PLD4: variants seen among roughly 807,000 people sequenced by gnomAD.
PLD4 encodes the protein phospholipase D family member 4.
A neutral mutation model predicts 52.3 loss-of-function variants in PLD4; 54 were observed. The ratio of observed to expected loss-of-function variants is 1.03; its 90% CI spans 0.83 to 1.30. The LOEUF is 1.30. Among genes scored for constraint, PLD4 ranks in the 50% most tolerant of loss-of-function variants. The probability of loss-of-function intolerance (pLI) is 0.00; values close to 1 mark genes in which losing one functional copy is unlikely to be tolerated. For missense variants in PLD4, 731 were observed against 671.1 expected, an observed-to-expected ratio of 1.09 and a Z score of -0.99; for synonymous variants, 264 against 286.5, an observed-to-expected ratio of 0.92 and a Z score of 0.79.
intron 3 of PLD4, among the ~76,000 whole-genome samples, chr14:104,928,212 C>A (rs545668142): frequency 1.3e-5 from 2 of 152,108 alleles, no homozygotes; most frequent in African/African-American, 4.8e-5. Context: ...TCTTTCCCTG[C>A]GGTTGGGGTC....
chr14:104,932,499 A>G lies in PLD4; in HGVS notation c.1321+144A>G, dbSNP rs1411045807. On this transcript the variant is annotated intron_variant, in intron 10 of 10. Coordinates refer to ENST00000392593, the MANE Select transcript of PLD4 (RefSeq NM_138790.5). This position sits in a 1 kb window ranked among gnomAD's most constrained non-coding sequence, Gnocchi z 6.5. ...ACGGGGTCTCCATGGAGTTCCGGGGACCAGGCCACCCGCCTGTCACCTGGC... is the reference window on the plus strand; with the variant it reads ...ACGGGGTCTCCATGGAGTTCCGGGGGCCAGGCCACCCGCCTGTCACCTGGC... 4.1e-6 allele frequency: 4 copies of G among 969,750 alleles called. No individual in the cohort carries two copies. The highest frequency in any genetic ancestry group is 2.5e-5 in the Admixed American group (1 of 39,982). 60.1% of individuals were successfully genotyped at this position (969,750 alleles called of 1,614,324 possible).
At chr14:104,929,109 G>C in intron 4 of PLD4, 177 bp downstream of exon 4, 1 of 1,185,848 alleles carries the variant, frequency 8.4e-7, no homozygotes, top group South Asian at 1.6e-5. Context: ...GTGTCAAGGA[G>C]CTGGGCCTCT....
intron 1 of PLD4, among the ~76,000 whole-genome samples, chr14:104,926,308 G>A (rs1230455854): frequency 6.6e-6 from 1 of 152,184 alleles, no homozygotes; most frequent in Non-Finnish European, 1.5e-5. Context: ...ACCCGGGGAG[G>A]GCGCCTCTGT....
intron 3 of PLD4, 79 bp downstream of exon 3, chr14:104,927,945 C>T (rs1290748709): frequency 3.7e-5 from 52 of 1,404,682 alleles, no homozygotes; most frequent in Admixed American, 5.0e-5. Flanking sequence ...TGGATCTGCC[C>T]GTGAGATAAG....
chr14:104,933,023 G>A lies in PLD4; in HGVS notation c.*59G>A. ...CGCACGCGCCCTCCCCTCTGACCCCGGCCTGGGCTTCAGCCGCTTCCTCCC... is the reference window on the plus strand; with the variant it reads ...CGCACGCGCCCTCCCCTCTGACCCCAGCCTGGGCTTCAGCCGCTTCCTCCC... On this transcript the variant is annotated 3_prime_UTR_variant, in exon 11 of 11. Transcript: ENST00000392593. 1 of 1,472,468 alleles carries A rather than the reference G, an allele frequency of 6.8e-7. No individual in the cohort carries two copies. Among genetic ancestry groups the A allele is most frequent in the East Asian group, 2.6e-5 (1 of 38,694 alleles). The allele number at this position is 1,472,468 out of a possible 1,614,324, so 91.2% of individuals were successfully genotyped here. A position where few individuals can be genotyped will look rare whatever the true frequency, so the allele number is the denominator to read the frequency against.
At chr14:104,930,497 T>C (rs1897605809) in intron 6 of PLD4, 1 of 589,462 alleles carries the variant, frequency 1.7e-6, no homozygotes, top group African/African-American at 1.9e-5. Flanking sequence ...GCATTTTCTA[T>C]TGTTTTTGTA....
chr14:104,930,145 C>T (rs775791847), intron 6 of PLD4, 40 bp downstream of exon 6: 8 of 1,603,636 alleles, frequency 5.0e-6, no homozygotes, highest in East Asian at 2.2e-5. Context: ...CTGCCTGAAG[C>T]GTTTCCCCGC....
chr14:104,930,638 G>T lies in PLD4; in HGVS notation c.718-104G>T. 4.0e-6 allele frequency: 5 copies of T among 1,234,792 alleles called. No homozygotes were observed. In the South Asian group the frequency reaches 5.3e-5, roughly 13 times the overall value. The allele number at this position is 1,234,792 out of a possible 1,614,324, so 76.5% of individuals were successfully genotyped here. A position where few individuals can be genotyped will look rare whatever the true frequency, so the allele number is the denominator to read the frequency against. Reference sequence around the variant, plus strand: ...TGCTTCCCGCAAGTGGGGACCAGTCGGGCAGGGACTGCACCTGCCCCAACA... The same window carrying T: ...TGCTTCCCGCAAGTGGGGACCAGTCTGGCAGGGACTGCACCTGCCCCAACA... On this transcript the variant is annotated intron_variant, in intron 6 of 10. Coordinates refer to ENST00000392593, the MANE Select transcript of PLD4 (RefSeq NM_138790.5).
downstream of PLD4, chr14:104,934,573 C>A (rs962731422): frequency 6.6e-6 from 1 of 152,212 alleles, no homozygotes; most frequent in African/African-American, 2.4e-5. Flanking sequence ...GATGGCTCAG[C>A]GGTATGAAGG....
intron 7 of PLD4, 39 bp from the exon 8 acceptor site, chr14:104,931,708 TG>T: frequency 6.4e-7 from 1 of 1,556,718 alleles, no homozygotes; most frequent in African/African-American, 1.4e-5. Flanking sequence ...CAGAATGGGC[TG>T]GGCTGGCAGA....
At chr14:104,930,245 G>A (rs1897599670) in intron 6 of PLD4, 140 bp downstream of exon 6, 39 of 1,158,262 alleles carry the variant, frequency 3.4e-5, no homozygotes, top group African/African-American at 4.7e-5. Context: ...AGAAACAACC[G>A]GAGACTGGTC....
intron 2 of PLD4, 111 bp downstream of exon 2, chr14:104,927,341 G>A (rs1897490938): frequency 8.1e-6 from 8 of 983,614 alleles, no homozygotes; most frequent in Admixed American, 2.9e-5. Context: ...CCAAGCAGAG[G>A]TGCCCTGACT....
chr14:104,930,604 TA>T, intron 6 of PLD4, 137 bp from the exon 7 acceptor site: 1 of 863,260 alleles, frequency 1.2e-6, no homozygotes, highest in Non-Finnish European at 1.8e-6. Flanking sequence ...TACAGATTCC[TA>T]CAGGCAATGC....
Position 104,929,900 on chromosome 14 carries a change from A to G in PLD4, c.590-78A>G, listed in dbSNP as rs1221964124. 9.1e-6 allele frequency: 14 copies of G among 1,532,900 alleles called. No individual in the cohort carries two copies. In the East Asian group the frequency reaches 3.2e-4, roughly 35 times the overall value. 95.0% of individuals were successfully genotyped at this position (1,532,900 alleles called of 1,614,324 possible). ...GACATCTGAGTCAACCCCACTGTCAAGAGCTTGGGGTCAGGCTCACCATGA... is the reference window on the plus strand; with the variant it reads ...GACATCTGAGTCAACCCCACTGTCAGGAGCTTGGGGTCAGGCTCACCATGA... On this transcript the variant is annotated intron_variant, in intron 5 of 10. Transcript: ENST00000392593.
At chr14:104,928,955 C>G (rs754969791) in intron 4 of PLD4, 23 bp downstream of exon 4, 5 of 1,572,696 alleles carry the variant, frequency 3.2e-6, no homozygotes, top group Non-Finnish European at 4.3e-6. Flanking sequence ...CTGGCCCCAC[C>G]GCATCCTGGT....
intron 6 of PLD4, 139 bp downstream of exon 6, chr14:104,930,244 C>A: frequency 1.7e-6 from 2 of 1,161,328 alleles, no homozygotes; most frequent in Non-Finnish European, 2.4e-6. Flanking sequence ...TAGAAACAAC[C>A]GGAGACTGGT....
At chr14:104,930,672 C>G in intron 6 of PLD4, 70 bp from the exon 7 acceptor site, 2 of 1,543,362 alleles carry the variant, frequency 1.3e-6, no homozygotes, top group South Asian at 1.1e-5. Flanking sequence ...CATCCCTGGC[C>G]TGGGTGGAGT....
At chr14:104,937,001 C>CA (rs929000115), downstream of PLD4, 1 of 152,250 alleles carries the variant, frequency 6.6e-6, no homozygotes, top group African/African-American at 2.4e-5. Flanking sequence ...ACACTGCCTC[C>CA]AGCTGGAGGG....
chr14:104,931,029 G>A (rs961900571), intron 7 of PLD4, 87 bp downstream of exon 7: 142 of 1,431,212 alleles, frequency 9.9e-5, no homozygotes, highest in Non-Finnish European at 1.3e-4. Flanking sequence ...GGCTGGCCCT[G>A]CAGACACCAG....
Sources: allele counts gnomAD v4.1 joint callset (sites outside exome capture counted in the v4.1 genomes callset), GRCh38; gene constraint gnomAD v4.1.1; non-coding constraint Gnocchi (gnomAD v3.1); transcripts MANE v1.5; gene names NCBI Gene and HGNC (gene_info 2026-07-23, HGNC 2026-07-21).